The following KLRD1 variants were observed in gnomAD, a reference collection of about 807,000 sequenced individuals.
KLRD1 encodes the protein natural killer cells antigen CD94.
A neutral mutation model predicts 22.6 loss-of-function variants in KLRD1; 21 were observed. That is an observed-to-expected ratio of 0.93 (90% CI 0.66 to 1.34). The LOEUF (loss-of-function observed/expected upper bound fraction) is 1.34, where lower values mean the gene tolerates loss of function less well. Among genes scored for constraint, KLRD1 ranks in the 40% most tolerant of loss-of-function variants. The pLI is 0.00. For synonymous variants in KLRD1, 59 were observed against 71.1 expected, an observed-to-expected ratio of 0.83 and a Z score of 0.85; for missense variants, 183 against 208.6, an observed-to-expected ratio of 0.88 and a Z score of 0.76.
chr12:10,314,748 CTG>C lies in KLRD1; in HGVS notation c.498_499del (p.Cys166Ter). On this transcript the variant is annotated frameshift_variant, in exon 6 of 6. Coordinates refer to ENST00000336164, the MANE Select transcript of KLRD1 (RefSeq NM_002262.5). LOFTEE classifies it low-confidence loss of function (END_TRUNC). ...NPNGNALDES[C>X]EDKNRYICKQ... The stretch of plus-strand genomic sequence containing the variant: ...CAAATGGAAATGCTTTAGATGAATC[CTG>C]TGAAGATAAAAATCGTTATATCTGT... 6.2e-7 allele frequency: 1 copy of C among 1,604,530 alleles called. No homozygotes were observed. The highest frequency in any genetic ancestry group is 8.5e-7 in the Non-Finnish European group (1 of 1,175,876).
At chr12:10,313,389 A>ATT in intron 4 of KLRD1, 21 bp from the exon 5 acceptor site, 2 of 1,393,922 alleles carry the variant, frequency 1.4e-6, no homozygotes, top group Non-Finnish European at 2.0e-6. Context: ...GATTAATGTG[A>ATT]TTGTCTTTTA....
chr12:10,317,479 A>T lies in KLRD1; in HGVS notation c.*2686A>T, dbSNP rs1181786073. ...CAAGTTACCTCACCGCAACCTTGGC[A>T]TTATCAGTACTGGACAAAGCCCTCT... On this transcript the variant is annotated 3_prime_UTR_variant, in exon 6 of 6. Coordinates refer to ENST00000336164, the MANE Select transcript of KLRD1 (RefSeq NM_002262.5). 1 of 152,240 alleles carries T rather than the reference A, an allele frequency of 6.6e-6. No individual in the cohort carries two copies. Among genetic ancestry groups the T allele is most frequent in the African/African-American group, 2.4e-5 (1 of 41,446 alleles). 9.4% of individuals were successfully genotyped at this position (152,240 alleles called of 1,614,324 possible).
intron 1 of KLRD1, among the ~76,000 whole-genome samples, chr12:10,270,785 ATTTTT>A (rs35919296): frequency 7.7e-6 from 1 of 130,252 alleles, no homozygotes. Context: ...CCCTCCCGTA[ATTTTT>A]TTTTTTTTTT....
chr12:10,292,194 A>T (rs911546530), intron 1 of KLRD1, among the ~76,000 whole-genome samples: 1 of 152,172 alleles, frequency 6.6e-6, no homozygotes, highest in African/African-American at 2.4e-5. Flanking sequence ...CCTCAAAGTC[A>T]TCCATGAGGA....
intron 1 of KLRD1, among the ~76,000 whole-genome samples, chr12:10,255,952 C>G (rs1414092919): frequency 6.6e-6 from 1 of 151,992 alleles, no homozygotes; most frequent in Non-Finnish European, 1.5e-5. Flanking sequence ...GGAGAGCTAT[C>G]TATTTGTCTC....
At position 10,324,518 on chromosome 12, in the gene KLRD1, C is replaced by G. The variant is rs1950341321; in HGVS notation, c.*9725C>G. The G allele has an allele frequency of 6.6e-6, 1 of 151,952 alleles. No individual in the cohort carries two copies. Among genetic ancestry groups the G allele is most frequent in the African/African-American group, 2.4e-5 (1 of 41,434 alleles). The allele number at this position is 151,952 out of a possible 1,614,324, so 9.4% of individuals were successfully genotyped here. ...GGTTTTCTGTTCTTCCATTGATTTGCTTAGGATAATGGCCTCTAGTTCTAT... is the reference window on the plus strand; with the variant it reads ...GGTTTTCTGTTCTTCCATTGATTTGGTTAGGATAATGGCCTCTAGTTCTAT... On this transcript the variant is annotated 3_prime_UTR_variant, in exon 6 of 6. Coordinates refer to ENST00000336164, the MANE Select transcript of KLRD1 (RefSeq NM_002262.5).
intron 1 of KLRD1, among the ~76,000 whole-genome samples, chr12:10,255,747 T>C (rs1289439492): frequency 3.3e-5 from 5 of 152,206 alleles, no homozygotes; most frequent in African/African-American, 1.2e-4. Flanking sequence ...TTTTGTGGTC[T>C]AACATATAGT....
intron 1 of KLRD1, among the ~76,000 whole-genome samples, chr12:10,285,964 T>C (rs1949698037): frequency 6.6e-6 from 1 of 152,216 alleles, no homozygotes; most frequent in Non-Finnish European, 1.5e-5. Context: ...TGTCTTCTGC[T>C]TTTTGCCCAG....
chr12:10,240,695 C>T (rs936662244), intron 1 of KLRD1, among the ~76,000 whole-genome samples: 3 of 151,682 alleles, frequency 2.0e-5, no homozygotes, highest in African/African-American at 7.2e-5. Context: ...AGCATCGACT[C>T]ACTCTCCAAT....
intron 4 of KLRD1, among the ~76,000 whole-genome samples, chr12:10,312,410 G>A (rs1409662062): frequency 2.8e-5 from 4 of 144,020 alleles, no homozygotes; most frequent in Admixed American, 1.4e-4. Flanking sequence ...ATGGAGTCTC[G>A]CTCTGTCGCC....
chr12:10,288,780 A>G (rs1949736401), intron 1 of KLRD1, among the ~76,000 whole-genome samples: 1 of 152,248 alleles, frequency 6.6e-6, no homozygotes, highest in African/African-American at 2.4e-5. Flanking sequence ...ATTATAAAAT[A>G]TTAGCAATAA....
At chr12:10,255,691 A>G (rs1949389003) in intron 1 of KLRD1, among the ~76,000 whole-genome samples, 2 of 152,176 alleles carry the variant, frequency 1.3e-5, no homozygotes, top group South Asian at 4.1e-4. Context: ...GTGATAGGAA[A>G]TAATGCTTTC....
chr12:10,324,816 GTGTATATATATA>G lies in KLRD1; in HGVS notation c.*10025_*10036del, dbSNP rs1950344449. 1.2e-4 allele frequency: 2 copies of G among 16,600 alleles called. No homozygotes were observed. The highest frequency in any genetic ancestry group is 1.7e-4 in the African/African-American group (2 of 11,934). 1.0% of individuals were successfully genotyped at this position (16,600 alleles called of 1,614,324 possible). On this transcript the variant is annotated 3_prime_UTR_variant, in exon 6 of 6. Coordinates refer to ENST00000336164, the MANE Select transcript of KLRD1 (RefSeq NM_002262.5). ...TAAGTATATATGTATATGTGTGTGTGTGTATATATATATATATATATATATATTCATTTACAC... is the reference window on the plus strand; with the variant it reads ...TAAGTATATATGTATATGTGTGTGTGTATATATATATATATTCATTTACAC...
At chr12:10,294,583 A>G (rs372349051) in intron 1 of KLRD1, among the ~76,000 whole-genome samples, 3 of 149,758 alleles carry the variant, frequency 2.0e-5, no homozygotes, top group East Asian at 4.0e-4. Context: ...TATTTTTAGT[A>G]GAGACAGGGT....
In KLRD1 at chr12:10,323,565, C is replaced by T. The variant is rs563214623; in HGVS notation, c.*8772C>T. ...CATACTTTATATGCTTAAAGTATGA[C>T]ATTTGATGTATTTCCATATCTATGC... On this transcript the variant is annotated 3_prime_UTR_variant, in exon 6 of 6. Coordinates refer to ENST00000336164, the MANE Select transcript of KLRD1 (RefSeq NM_002262.5). 6.6e-6 allele frequency: 1 copy of T among 151,978 alleles called. No homozygotes were observed. The highest frequency in any genetic ancestry group is 1.9e-4 in the East Asian group (1 of 5,160). 9.4% of individuals were successfully genotyped at this position (151,978 alleles called of 1,614,324 possible). A position where few individuals can be genotyped will look rare whatever the true frequency, so the allele number is the denominator to read the frequency against.
At position 10,309,667 on chromosome 12, in the gene KLRD1, C is replaced by A. The variant is rs200026867; in HGVS notation, c.142C>A (p.Pro48Thr). The A allele has an allele frequency of 4.3e-6, 7 of 1,612,842 alleles. No individual in the cohort carries two copies. The East Asian group carries it at 1.1e-4, about 26-fold the overall frequency. The change falls in exon 3 of 6, where the codon CCC becomes ACC. Residue 48 changes from proline (P) to threonine (T), a missense_variant. Coordinates refer to ENST00000336164, the MANE Select transcript of KLRD1 (RefSeq NM_002262.5). ...LSIEPAFTPGPNIELQKDSDC... is the reference protein window; with the variant it reads ...LSIEPAFTPGTNIELQKDSDC... The stretch of plus-strand genomic sequence containing the variant: ...TATTGAGCCAGCATTTACTCCAGGA[C>A]CCAACATAGAACTCCAGAAAGGTAG...
chr12:10,261,672 T>C (rs904010751), intron 1 of KLRD1, among the ~76,000 whole-genome samples: 1 of 152,218 alleles, frequency 6.6e-6, no homozygotes, highest in Non-Finnish European at 1.5e-5. Flanking sequence ...ATAATGACTA[T>C]GTTCCTGATC....
intron 1 of KLRD1, among the ~76,000 whole-genome samples, chr12:10,297,577 C>T (rs762225421): frequency 2.5e-4 from 38 of 151,908 alleles, no homozygotes; most frequent in Non-Finnish European, 4.9e-4. Flanking sequence ...CCCCCGAGCC[C>T]GGTTTCAGCA....
In KLRD1 at chr12:10,315,110, A is replaced by C. The variant is rs933252951; in HGVS notation, c.*317A>C. On this transcript the variant is annotated 3_prime_UTR_variant, in exon 6 of 6. Coordinates refer to ENST00000336164, the MANE Select transcript of KLRD1 (RefSeq NM_002262.5). ...TTACATTCTTGCTAATTCTCAGCAGAAATTTAAATAAGATTTAATTCACAT... is the reference window on the plus strand; with the variant it reads ...TTACATTCTTGCTAATTCTCAGCAGCAATTTAAATAAGATTTAATTCACAT... 8.7e-5 allele frequency: 22 copies of C among 253,716 alleles called. No homozygotes were observed. The highest frequency in any genetic ancestry group is 5.2e-4 in the African/African-American group (22 of 42,634). 15.7% of individuals were successfully genotyped at this position (253,716 alleles called of 1,614,324 possible).
Sources: allele counts gnomAD v4.1 joint callset (sites outside exome capture counted in the v4.1 genomes callset), GRCh38; gene constraint gnomAD v4.1.1; transcripts MANE v1.5; gene names NCBI Gene and HGNC (gene_info 2026-07-23, HGNC 2026-07-21).